Variants in BMP8A observed in about 807,000 individuals in gnomAD.
The protein encoded by BMP8A is bone morphogenetic protein 8a.
In BMP8A, 14 loss-of-function variants were observed where a neutral mutation model predicts 36.8. That is an observed-to-expected ratio of 0.38 (90% confidence interval 0.25 to 0.60). The LOEUF (loss-of-function observed/expected upper bound fraction) is 0.60. BMP8A is among the 20% of genes least tolerant of loss of function. The pLI is 0.63. For missense variants in BMP8A, 267 were observed against 551.1 expected (o/e 0.48, Z 5.16); for synonymous variants, 120 against 237.7 (o/e 0.50, Z 4.55).
intron 3 of BMP8A, among the ~76,000 whole-genome samples, chr1:39,516,805 C>T (rs1419376957): frequency 3.3e-5 from 5 of 152,026 alleles, no homozygotes; most frequent in Admixed American, 2.0e-4. Flanking sequence ...TTGATTCAAG[C>T]GCCTCCCTCG....
intron 1 of BMP8A, among the ~76,000 whole-genome samples, chr1:39,499,750 G>A (rs1645237402): frequency 6.6e-6 from 1 of 152,214 alleles, no homozygotes; most frequent in South Asian, 2.1e-4. Context: ...GGTTCAGAAA[G>A]TAACCTTTTC....
At chr1:39,504,013 T>C (rs1645276844) in intron 1 of BMP8A, among the ~76,000 whole-genome samples, 1 of 152,232 alleles carries the variant, frequency 6.6e-6, no homozygotes, top group Non-Finnish European at 1.5e-5. Flanking sequence ...AATCGTGACA[T>C]TACAGTGGAG....
intron 1 of BMP8A, among the ~76,000 whole-genome samples, chr1:39,510,868 C>T (rs757337829): frequency 1.3e-5 from 2 of 152,198 alleles, no homozygotes. Context: ...TCTCTGGGTC[C>T]CAGGACCAGC....
chr1:39,491,935 C>G lies in BMP8A; in HGVS notation c.-57C>G. On this transcript the variant is annotated 5_prime_UTR_variant, in exon 1 of 7. Coordinates refer to ENST00000331593, the MANE Select transcript of BMP8A (RefSeq NM_181809.4). The stretch of plus-strand genomic sequence containing the variant: ...TCCCCGTTCGCCGTCGGGGCGTCCC[C>G]GGGCCCAGGGGCGGCGGCGGAGCTG... 9.5e-7 allele frequency: 1 copy of G among 1,054,796 alleles called. No homozygotes were observed. Among genetic ancestry groups the G allele is most frequent in the Non-Finnish European group, 1.1e-6 (1 of 875,614 alleles). The allele number at this position is 1,054,796 out of a possible 1,614,324, so 65.3% of individuals were successfully genotyped here. A position where few individuals can be genotyped will look rare whatever the true frequency, so the allele number is the denominator to read the frequency against.
intron 1 of BMP8A, among the ~76,000 whole-genome samples, chr1:39,495,948 C>T (rs1335994067): frequency 3.9e-4 from 59 of 151,386 alleles, no homozygotes; most frequent in African/African-American, 1.4e-3. Flanking sequence ...CTGAACCAGA[C>T]AGATTTGCTC....
intron 1 of BMP8A, among the ~76,000 whole-genome samples, chr1:39,505,710 G>T (rs940613565): frequency 2.0e-5 from 3 of 152,196 alleles, no homozygotes; most frequent in Non-Finnish European, 4.4e-5. Flanking sequence ...GGCCAGGCAT[G>T]GTGGCTCATG....
At chr1:39,510,703 G>GGATGGC (rs1333977530) in intron 1 of BMP8A, among the ~76,000 whole-genome samples, 1 of 152,212 alleles carries the variant, frequency 6.6e-6, no homozygotes, top group African/African-American at 2.4e-5. Context: ...GGCAGGCTCT[G>GGATGGC]GATGGCTTAT....
chr1:39,492,565 C>A (rs1020793212), intron 1 of BMP8A, among the ~76,000 whole-genome samples: 1 of 152,218 alleles, frequency 6.6e-6, no homozygotes, highest in Admixed American at 6.5e-5. Context: ...TGCCTTCACC[C>A]TGCCCCAGAC....
intron 1 of BMP8A, among the ~76,000 whole-genome samples, chr1:39,507,706 C>T (rs1645313873): frequency 6.6e-6 from 1 of 152,194 alleles, no homozygotes; most frequent in Admixed American, 6.5e-5. Context: ...GGGGGCTGGG[C>T]ATTCACTGAC....
In BMP8A at chr1:39,528,053, T is replaced by A. The variant is rs1645501404; in HGVS notation, c.*2255T>A. ...ACTGACAAATGTGTGGTCTCTTCAGTGCCCAGTGTGTAACCTGGCATGGTT... is the reference window on the plus strand; with the variant it reads ...ACTGACAAATGTGTGGTCTCTTCAGAGCCCAGTGTGTAACCTGGCATGGTT... On this transcript the variant is annotated 3_prime_UTR_variant, in exon 7 of 7. Coordinates refer to ENST00000331593, the MANE Select transcript of BMP8A (RefSeq NM_181809.4). Among the ~76,000 whole-genome samples, 1 of 152,228 alleles carries A rather than the reference T, an allele frequency of 6.6e-6. No individual in the cohort carries two copies. Among genetic ancestry groups the A allele is most frequent in the African/African-American group, 2.4e-5 (1 of 41,452 alleles).
At chr1:39,507,090 G>C (rs1002447937) in intron 1 of BMP8A, among the ~76,000 whole-genome samples, 1 of 152,204 alleles carries the variant, frequency 6.6e-6, no homozygotes, top group Admixed American at 6.5e-5. Context: ...GGGGGAACTA[G>C]ATGTACTGCC....
At chr1:39,522,589 A>T (rs1467825804) in intron 5 of BMP8A, 107 bp downstream of exon 5, 16 of 1,309,298 alleles carry the variant, frequency 1.2e-5, no homozygotes, top group Non-Finnish European at 1.6e-5. Flanking sequence ...TTTCTTATGT[A>T]TTTTTTTCTT....
At chr1:39,515,434 G>T in intron 3 of BMP8A, 1 of 822,388 alleles carries the variant, frequency 1.2e-6, no homozygotes. Context: ...ACCCCCACGG[G>T]CTACGGGACC....
In BMP8A at chr1:39,529,837, G is replaced by A. The variant is rs1056303215; in HGVS notation, c.*4039G>A. On this transcript the variant is annotated 3_prime_UTR_variant, in exon 7 of 7. Transcript: ENST00000331593. The stretch of plus-strand genomic sequence containing the variant: ...ATTCAATGTACAAAATATTTTGAAA[G>A]TTTCTGTGATTAAATGTTCTTTGAA... Among the ~76,000 whole-genome samples the A allele has an allele frequency of 2.9e-4, 44 of 152,220 alleles. No homozygotes were observed. The highest frequency in any genetic ancestry group is 1.0e-3 in the African/African-American group (42 of 41,456).
rs78589821 is a variant in BMP8A, at chr1:39,525,339, C to A, written c.1060-310C>A. Reference sequence around the variant, plus strand: ...AAACCTGGCCATGAGGTTCTCCTTCCCATTATCCCCAGGAGGAAGTCTGAG... The same window carrying A: ...AAACCTGGCCATGAGGTTCTCCTTCACATTATCCCCAGGAGGAAGTCTGAG... On this transcript the variant is annotated intron_variant, in intron 6 of 6. Coordinates refer to ENST00000331593, the MANE Select transcript of BMP8A (RefSeq NM_181809.4). Among the ~76,000 whole-genome samples, 922 of 152,186 alleles carry A rather than the reference C, an allele frequency of 6.1e-3. 8 individuals carry two copies. Among genetic ancestry groups the A allele is most frequent in the African/African-American group, 0.02 (847 of 41,524 alleles).
chr1:39,493,976 G>A (rs1465565024), intron 1 of BMP8A, among the ~76,000 whole-genome samples: 1 of 152,254 alleles, frequency 6.6e-6, no homozygotes, highest in Non-Finnish European at 1.5e-5. Context: ...AATTGGGCAG[G>A]GCCCACCCCT....
intron 3 of BMP8A, chr1:39,516,138 T>C: frequency 1.6e-6 from 1 of 622,356 alleles, no homozygotes; most frequent in Non-Finnish European, 2.5e-6. Flanking sequence ...GCCATGCAGG[T>C]TTCCAAATAC....
chr1:39,514,510 C>T (rs1645380414), intron 3 of BMP8A, among the ~76,000 whole-genome samples: 1 of 150,922 alleles, frequency 6.6e-6, no homozygotes, highest in South Asian at 2.1e-4. Context: ...AAGGAGGGTG[C>T]TTGGCACAGA....
intron 1 of BMP8A, among the ~76,000 whole-genome samples, chr1:39,502,411 A>G (rs1645261488): frequency 6.6e-6 from 1 of 152,220 alleles, no homozygotes; most frequent in Non-Finnish European, 1.5e-5. Flanking sequence ...AAAGGGCCTA[A>G]AAGTATTGAC....
Sources: gnomAD v4.1 joint callset for allele counts (sites outside exome capture counted in the v4.1 genomes callset) on GRCh38, gnomAD v4.1.1 for gene constraint, MANE v1.5 for transcripts, NCBI Gene and HGNC (gene_info 2026-07-23, HGNC 2026-07-21) for gene names.